Variants in NLGN1 observed in about 807,000 individuals in gnomAD.
NLGN1 encodes neuroligin-1.
NLGN1 carries 12 observed loss-of-function variants against 65.5 expected under a neutral mutation model. That is an observed-to-expected ratio of 0.18 (90% CI 0.12 to 0.30). The LOEUF is 0.30. NLGN1 is among the 10% of genes least tolerant of loss of function. The pLI, the probability that NLGN1 is intolerant of heterozygous loss-of-function variation, is 1.00. For synonymous variants in NLGN1, 350 were observed against 359.5 expected (o/e 0.97, Z 0.30); for missense variants, 750 against 1,007.1 (o/e 0.74, Z 3.46).
chr3:173,520,096 G>GGCCATGTAAAATGTGCCTTGTAAAATGT (rs1448154266), intron 2 of NLGN1, among the ~76,000 whole-genome samples: 1 of 152,078 alleles, frequency 6.6e-6, no homozygotes, highest in African/African-American at 2.4e-5. Flanking sequence ...CTCCTGCTTT[G>GGCCATGTAAAATGTGCCTTGTAAAATGT]GCCATGTAAA....
chr3:173,403,873 C>T (rs1718150141), intron 1 of NLGN1, among the ~76,000 whole-genome samples: 1 of 152,020 alleles, frequency 6.6e-6, no homozygotes, highest in African/African-American at 2.4e-5. Context: ...GCGCATCACT[C>T]AATACGTGTC....
rs529980845 is a variant in NLGN1, at chr3:173,473,534, T to C, written c.-321+38456T>C. 2.0e-5 allele frequency among the ~76,000 whole-genome samples: 3 copies of C among 152,300 alleles called. No homozygotes were observed. The East Asian group carries it at 5.8e-4, about 29-fold the overall frequency. ...AGGAAGACAGAACTATTTACTTCAC[T>C]AAAATAGTTGCTGTTTGAGGACTGT... On this transcript the variant is annotated intron_variant, in intron 2 of 6. Coordinates refer to ENST00000457714, the Ensembl canonical transcript of NLGN1.
At chr3:174,281,991 G>C (rs1179377275) in exon 7 of NLGN1, 1 of 152,276 alleles carries the variant, frequency 6.6e-6, no homozygotes, top group Admixed American at 6.6e-5. Flanking sequence ...CATCCCATTG[G>C]AGTTTTTAAT....
chr3:173,942,126 GTGTGTGTGTGTGTGTA>G lies in NLGN1; in HGVS notation c.646+134316_646+134331del, dbSNP rs1180674490. Reference sequence around the variant, plus strand: ...TGGTTGGGGGTGTGTGTGTGTGTGTGTGTGTGTGTGTGTGTATGTGTGTGTGTGTGTATGTGTATAT... The same window carrying G: ...TGGTTGGGGGTGTGTGTGTGTGTGTGTGTGTGTGTGTGTGTATGTGTATAT... On this transcript the variant is annotated intron_variant, in intron 4 of 6. Coordinates refer to ENST00000457714, the Ensembl canonical transcript of NLGN1. Among the ~76,000 whole-genome samples, 592 of 150,640 alleles carry G rather than the reference GTGTGTGTGTGTGTGTA, an allele frequency of 3.9e-3. 2 individuals carry two copies. Among genetic ancestry groups the G allele is most frequent in the Non-Finnish European group, 5.8e-3 (395 of 67,572 alleles).
At chr3:173,552,840 T>A (rs893329377) in intron 2 of NLGN1, among the ~76,000 whole-genome samples, 1 of 152,256 alleles carries the variant, frequency 6.6e-6, no homozygotes, top group Non-Finnish European at 1.5e-5. Flanking sequence ...TTGTCATACT[T>A]GTATGTTTAT....
At chr3:173,463,741 A>G (rs1723796757) in intron 2 of NLGN1, among the ~76,000 whole-genome samples, 1 of 152,192 alleles carries the variant, frequency 6.6e-6, no homozygotes, top group Admixed American at 6.5e-5. Context: ...GTATCATGAT[A>G]GATTGAATGA....
chr3:173,444,312 A>T (rs1719761049), intron 2 of NLGN1, among the ~76,000 whole-genome samples: 1 of 152,240 alleles, frequency 6.6e-6, no homozygotes, highest in South Asian at 2.1e-4. Flanking sequence ...ACAGAAGGAC[A>T]GCAGGTAATG....
intron 4 of NLGN1, among the ~76,000 whole-genome samples, chr3:174,207,199 A>G (rs1034058252): frequency 2.5e-4 from 16 of 64,472 alleles, no homozygotes; most frequent in African/African-American, 8.8e-4. Flanking sequence ...TAGCTCATTC[A>G]TGAAAAAAAA....
chr3:174,280,994 T>A lies in NLGN1; in HGVS notation c.2163T>A (p.Asp721Glu). The stretch of plus-strand genomic sequence containing the variant: ...GCCCTCAGCGCACTACTACCAATGA[T>A]CTAACCCATGCACAAGAAGAGGAAA... The change falls in exon 7 of 7, where the codon GAT becomes GAA. Residue 721 changes from aspartate (D) to glutamate (E), a missense_variant. By Grantham distance (45) the Asp-to-Glu change is conservative. Transcript: ENST00000457714. The surrounding 1 kb of genome is among the most constrained non-coding windows in gnomAD (Gnocchi z 4.9). The A allele has an allele frequency of 6.2e-7, 1 of 1,613,236 alleles. No individual in the cohort carries two copies. The highest frequency in any genetic ancestry group is 8.5e-7 in the Non-Finnish European group (1 of 1,179,574).
At chr3:174,044,249 C>T (rs886135402) in intron 4 of NLGN1, among the ~76,000 whole-genome samples, 6 of 152,132 alleles carry the variant, frequency 3.9e-5, no homozygotes, top group East Asian at 1.9e-4. Flanking sequence ...TGACATGCCC[C>T]GGAGACATTT....
chr3:174,196,510 G>T (rs1030831278), intron 4 of NLGN1, among the ~76,000 whole-genome samples: 1 of 152,106 alleles, frequency 6.6e-6, no homozygotes, highest in Non-Finnish European at 1.5e-5. Flanking sequence ...ATTAAAATGA[G>T]AATATGCTTA....
chr3:173,693,062 A>G (rs553779397), intron 3 of NLGN1, among the ~76,000 whole-genome samples: 2 of 152,082 alleles, frequency 1.3e-5, no homozygotes, highest in East Asian at 3.9e-4. Flanking sequence ...AGAGTACACT[A>G]CAAGTGAAGG....
intron 4 of NLGN1, among the ~76,000 whole-genome samples, chr3:174,138,725 C>T (rs1325366986): frequency 1.3e-5 from 2 of 152,096 alleles, no homozygotes; most frequent in Non-Finnish European, 2.9e-5. Flanking sequence ...TGAGCCACCA[C>T]AAACAGCTTC....
chr3:174,074,149 A>G (rs535809074), intron 4 of NLGN1, among the ~76,000 whole-genome samples: 16 of 152,182 alleles, frequency 1.1e-4, no homozygotes, highest in South Asian at 1.0e-3. Flanking sequence ...GAGCATCTCA[A>G]AATAAAAGGC....
chr3:174,024,476 A>G (rs1335226567), intron 4 of NLGN1, among the ~76,000 whole-genome samples: 2 of 152,284 alleles, frequency 1.3e-5, no homozygotes, highest in Non-Finnish European at 2.9e-5. Flanking sequence ...GACACTTTAG[A>G]TTTATGGTCT....
chr3:174,234,976 A>C, intron 4 of NLGN1, among the ~76,000 whole-genome samples: 1 of 133,390 alleles, frequency 7.5e-6, no homozygotes, highest in African/African-American at 3.3e-5. Flanking sequence ...TGTAAAATAA[A>C]GGAATCACCT....
At chr3:173,632,882 C>CA (rs1021356689) in intron 3 of NLGN1, among the ~76,000 whole-genome samples, 11 of 115,320 alleles carry the variant, frequency 9.5e-5, no homozygotes, top group African/African-American at 3.5e-4. Context: ...GTTGTCTTCT[C>CA]AAAAAGGGAT....
Position 174,278,988 on chromosome 3 carries a change from G to A in NLGN1, c.987G>A (p.Glu329=), listed in dbSNP as rs1025774287. ...GTTGCAATGTTTCAGATACAGTAGA[G>A]TTAGTGGAATGCCTACAGAAGAAGC... The change falls in exon 6 of 7, where the codon GAG becomes GAA. Residue 329 remains glutamate (E), a synonymous_variant. Transcript: ENST00000457714. The A allele has an allele frequency of 1.4e-5, 22 of 1,584,418 alleles. No individual in the cohort carries two copies. Among genetic ancestry groups the A allele is most frequent in the South Asian group, 2.3e-5 (2 of 85,748 alleles).
intron 4 of NLGN1, among the ~76,000 whole-genome samples, chr3:174,224,545 A>C (rs2152809065): frequency 6.6e-6 from 1 of 152,274 alleles, no homozygotes; most frequent in African/African-American, 2.4e-5. Flanking sequence ...CCAAAAACAC[A>C]AAAATTAGCT....
Sources: allele counts gnomAD v4.1 joint callset (sites outside exome capture counted in the v4.1 genomes callset), GRCh38; gene constraint gnomAD v4.1.1; non-coding constraint Gnocchi (gnomAD v3.1); transcripts MANE v1.5; gene names NCBI Gene and HGNC (gene_info 2026-07-23, HGNC 2026-07-21).